The following FAM81B variants were observed in gnomAD, a reference collection of about 807,000 sequenced individuals.
FAM81B encodes the protein family with sequence similarity 81 member B.
FAM81B carries 60 observed loss-of-function variants against 58.7 expected under a neutral mutation model. The observed-to-expected ratio is 1.02, with a 90% CI of 0.83 to 1.27. The LOEUF (loss-of-function observed/expected upper bound fraction) is 1.27, where lower values mean the gene tolerates loss of function less well. Ranked by LOEUF, FAM81B falls within the 50% of genes most tolerant of loss-of-function variation. The pLI is 0.00. For missense variants in FAM81B, 491 were observed against 522.0 expected, an observed-to-expected ratio of 0.94 and a Z score of 0.58; for synonymous variants, 189 against 179.6, an observed-to-expected ratio of 1.05 and a Z score of -0.42.
At chr5:95,432,959 A>G (rs1212597248) in intron 6 of FAM81B, among the ~76,000 whole-genome samples, 4 of 151,854 alleles carry the variant, frequency 2.6e-5, no homozygotes, top group Non-Finnish European at 4.4e-5. Context: ...AACCACATGT[A>G]TTTGTAGTCT....
chr5:95,393,593 T>C (rs562581212), intron 2 of FAM81B, among the ~76,000 whole-genome samples: 1 of 152,300 alleles, frequency 6.6e-6, no homozygotes, highest in Admixed American at 6.5e-5. Flanking sequence ...ATGATTATCA[T>C]CATCATCTAC....
intron 7 of FAM81B, chr5:95,440,714 A>G (rs1745303886): frequency 1.2e-5 from 8 of 662,604 alleles, no homozygotes; most frequent in Non-Finnish European, 1.8e-5. Context: ...TCAGCTTCTC[A>G]CCTATTTAGT....
chr5:95,418,896 G>C (rs1375569223), intron 4 of FAM81B, among the ~76,000 whole-genome samples: 1 of 151,928 alleles, frequency 6.6e-6, no homozygotes, highest in Non-Finnish European at 1.5e-5. Context: ...TGAGTAATTA[G>C]AGCCCCCAGC....
intron 3 of FAM81B, among the ~76,000 whole-genome samples, chr5:95,401,334 G>A (rs1477623592): frequency 2.0e-5 from 3 of 152,014 alleles, no homozygotes; most frequent in Non-Finnish European, 4.4e-5. Context: ...GCCCAGCCCT[G>A]TTGGCCTGGT....
At chr5:95,432,839 A>T (rs1244713925) in intron 6 of FAM81B, among the ~76,000 whole-genome samples, 1 of 151,796 alleles carries the variant, frequency 6.6e-6, no homozygotes, top group African/African-American at 2.4e-5. Context: ...CCTTTTATAT[A>T]TTTTTTATTT....
chr5:95,409,748 A>T (rs1403896367), intron 3 of FAM81B, among the ~76,000 whole-genome samples: 1 of 152,192 alleles, frequency 6.6e-6, no homozygotes, highest in African/African-American at 2.4e-5. Context: ...GGGTAATAAA[A>T]TTATATCTGT....
At chr5:95,400,787 A>C (rs975999632) in intron 3 of FAM81B, among the ~76,000 whole-genome samples, 1 of 152,108 alleles carries the variant, frequency 6.6e-6, no homozygotes, top group Non-Finnish European at 1.5e-5. Context: ...CTCTCTCCAC[A>C]GAACAGAGAG....
chr5:95,420,460 A>G, intron 5 of FAM81B, 58 bp downstream of exon 5: 1 of 1,603,696 alleles, frequency 6.2e-7, no homozygotes, highest in Non-Finnish European at 8.5e-7. Flanking sequence ...GTGAATTCGC[A>G]TTCCTAAACA....
At chr5:95,448,596 T>C (rs1745675797) in intron 9 of FAM81B, 132 bp downstream of exon 9, 2 of 843,392 alleles carry the variant, frequency 2.4e-6, no homozygotes, top group African/African-American at 1.7e-5. Flanking sequence ...ATTCCACTTT[T>C]CTAAATATCC....
chr5:95,408,917 T>C (rs1218026972), intron 3 of FAM81B, among the ~76,000 whole-genome samples: 1 of 152,214 alleles, frequency 6.6e-6, no homozygotes, highest in East Asian at 1.9e-4. Flanking sequence ...TCTAGAATTA[T>C]GTTATCCCAA....
Position 95,448,301 on chromosome 5 carries a change from G to C in FAM81B, c.1062G>C (p.Leu354=). 6.2e-7 allele frequency: 1 copy of C among 1,605,976 alleles called. No homozygotes were observed. ...EKSENKMEEK[L]LQLSSKVENF... is the part of the protein sequence containing the mutation. ...CTGAAAATAAAATGGAAGAAAAACT[G>C]CTGCAGCTTTCAAGCAAAGTAGAGA... The change falls in exon 9 of 10, where the codon CTG becomes CTC. Residue 354 remains leucine (L), a synonymous_variant. Coordinates refer to ENST00000283357, the MANE Select transcript of FAM81B (RefSeq NM_152548.3).
At chr5:95,404,240 C>T (rs536635005) in intron 3 of FAM81B, among the ~76,000 whole-genome samples, 1 of 152,118 alleles carries the variant, frequency 6.6e-6, no homozygotes, top group East Asian at 1.9e-4. Context: ...CTGACTCATA[C>T]ATCCAATCCA....
chr5:95,434,788 T>C (rs1745036462), intron 6 of FAM81B, among the ~76,000 whole-genome samples: 2 of 152,248 alleles, frequency 1.3e-5, no homozygotes, highest in Admixed American at 6.5e-5. Context: ...TACCTCTGAT[T>C]ATATATTTGG....
At position 95,436,922 on chromosome 5, in the gene FAM81B, A is replaced by AT. The variant is rs750220656; in HGVS notation, c.893+21dup. The AT allele has an allele frequency of 4.4e-6, 7 of 1,588,700 alleles. No homozygotes were observed. The East Asian group carries it at 8.9e-5, about 20-fold the overall frequency. On this transcript the variant is annotated intron_variant, in intron 7 of 9. Coordinates refer to ENST00000283357, the MANE Select transcript of FAM81B (RefSeq NM_152548.3). ...TGGAATTCAAGTAAGTGAATAGAAG[A>AT]TTTTTAATTCTGTTAAGTGCATTCC...
At chr5:95,437,308 C>T (rs903836557) in intron 7 of FAM81B, among the ~76,000 whole-genome samples, 5 of 152,022 alleles carry the variant, frequency 3.3e-5, no homozygotes, top group African/African-American at 9.7e-5. Context: ...TTCTTCCTAA[C>T]ATCCTCTATT....
chr5:95,414,227 T>C (rs767937429), intron 4 of FAM81B, 37 bp downstream of exon 4: 1 of 1,576,890 alleles, frequency 6.3e-7, no homozygotes, highest in East Asian at 2.2e-5. Context: ...TTTTGTTTTG[T>C]ATTTTGGCAG....
intron 7 of FAM81B, among the ~76,000 whole-genome samples, chr5:95,443,038 C>T (rs1745425017): frequency 6.6e-6 from 1 of 152,150 alleles, no homozygotes; most frequent in Admixed American, 6.6e-5. Flanking sequence ...TAATAGTTTC[C>T]AAGAATTCAA....
In FAM81B at chr5:95,392,885, C is replaced by T. The variant is rs370797090; in HGVS notation, c.216C>T (p.Asn72=). 3 of 1,605,668 alleles carry T rather than the reference C, an allele frequency of 1.9e-6. No homozygotes were observed. Among genetic ancestry groups the T allele is most frequent in the African/African-American group, 2.7e-5 (2 of 74,260 alleles). The change falls in exon 2 of 10, where the codon AAC becomes AAT. Residue 72 remains asparagine (N), a synonymous_variant. Coordinates refer to ENST00000283357, the MANE Select transcript of FAM81B (RefSeq NM_152548.3). ...GCCCCCTTCCTGGCTCAGACAATAACCAAGAAAAGAAAGCAAGTACTTTTC... is the reference window on the plus strand; with the variant it reads ...GCCCCCTTCCTGGCTCAGACAATAATCAAGAAAAGAAAGCAAGTACTTTTC... The part of the protein sequence containing the change: ...PDGPLPGSDN[N]QEKKVRLSPA...
chr5:95,439,264 A>ATATATATATATATATATATATATG (rs1259609058), intron 7 of FAM81B, among the ~76,000 whole-genome samples: 1 of 142,594 alleles, frequency 7.0e-6, no homozygotes, highest in Non-Finnish European at 1.5e-5. Flanking sequence ...ATATATATAT[A>ATATATATATATATATATATATATG]TGTATATTTT....
Sources: gnomAD v4.1 joint callset for allele counts (sites outside exome capture counted in the v4.1 genomes callset) on GRCh38, gnomAD v4.1.1 for gene constraint, MANE v1.5 for transcripts, NCBI Gene and HGNC (gene_info 2026-07-23, HGNC 2026-07-21) for gene names.